Variants in CFDP1 observed in about 807,000 individuals in gnomAD.
CFDP1 encodes the protein chromatin remodeling protein CFDP1.
In CFDP1, 31 loss-of-function variants were observed where a neutral mutation model predicts 40.1. That is an observed-to-expected ratio of 0.77 (90% CI 0.58 to 1.04). CFDP1 has a LOEUF of 1.04. Among genes scored for constraint, CFDP1 ranks in the 50% least tolerant of loss-of-function variants. CFDP1 has a pLI of 0.00. For synonymous variants in CFDP1, 167 were observed against 120.0 expected (o/e 1.39, Z -2.56); for missense variants, 423 against 343.4 (o/e 1.23, Z -1.83).
At chr16:75,352,922 T>C (rs1414236411) in intron 5 of CFDP1, among the ~76,000 whole-genome samples, 2 of 152,162 alleles carry the variant, frequency 1.3e-5, no homozygotes, top group African/African-American at 4.8e-5. Flanking sequence ...AGAAAAACTA[T>C]ATATGTGAAA....
chr16:75,314,631 C>T (rs1034422559), intron 5 of CFDP1, among the ~76,000 whole-genome samples: 1 of 152,236 alleles, frequency 6.6e-6, no homozygotes, highest in East Asian at 1.9e-4. Flanking sequence ...GGAATTATAC[C>T]TAAATAAAGC....
chr16:75,333,288 TA>T (rs2078461237), intron 5 of CFDP1, among the ~76,000 whole-genome samples: 1 of 151,900 alleles, frequency 6.6e-6, no homozygotes, highest in South Asian at 2.1e-4. Flanking sequence ...CACGCCTGGC[TA>T]ATTTTTTGTA....
At chr16:75,320,229 C>T (rs2078352718) in intron 5 of CFDP1, among the ~76,000 whole-genome samples, 1 of 152,166 alleles carries the variant, frequency 6.6e-6, no homozygotes, top group African/African-American at 2.4e-5. Flanking sequence ...AACCCTTAAA[C>T]AAGTCCAGTT....
chr16:75,297,979 A>C (rs1206002382), intron 6 of CFDP1, among the ~76,000 whole-genome samples: 2 of 152,226 alleles, frequency 1.3e-5, no homozygotes, highest in Non-Finnish European at 2.9e-5. Flanking sequence ...CAAAACCAGA[A>C]ACTTTTAAAG....
chr16:75,416,863 A>G (rs1218497859), intron 1 of CFDP1, among the ~76,000 whole-genome samples: 3 of 150,580 alleles, frequency 2.0e-5, no homozygotes, highest in Admixed American at 6.7e-5. Flanking sequence ...AATATCCAAA[A>G]TGGAATTCTG....
chr16:75,426,415 T>C (rs1168724523), intron 1 of CFDP1, among the ~76,000 whole-genome samples: 2 of 152,056 alleles, frequency 1.3e-5, no homozygotes, highest in Non-Finnish European at 2.9e-5. Context: ...ACACTATCTT[T>C]GTAATCCCGA....
intron 5 of CFDP1, among the ~76,000 whole-genome samples, chr16:75,371,642 G>A (rs560476657): frequency 6.6e-6 from 1 of 152,154 alleles, no homozygotes; most frequent in Admixed American, 6.5e-5. Flanking sequence ...AACATTCATA[G>A]GAAGAATCTC....
At chr16:75,356,387 C>G (rs2078644128) in intron 5 of CFDP1, among the ~76,000 whole-genome samples, 1 of 152,176 alleles carries the variant, frequency 6.6e-6, no homozygotes, top group South Asian at 2.1e-4. Flanking sequence ...ACTGGGTACA[C>G]TGTCAATGAG....
chr16:75,366,031 G>A (rs766069954), intron 5 of CFDP1, among the ~76,000 whole-genome samples: 1 of 152,050 alleles, frequency 6.6e-6, no homozygotes, highest in Non-Finnish European at 1.5e-5. Flanking sequence ...TTCACTCCTA[G>A]GTATCAATCC....
intron 5 of CFDP1, among the ~76,000 whole-genome samples, chr16:75,308,674 A>ATTGTT (rs2078274214): frequency 6.6e-6 from 1 of 152,142 alleles, no homozygotes; most frequent in Non-Finnish European, 1.5e-5. Flanking sequence ...GGAACAATTC[A>ATTGTT]CTTTTATTCT....
chr16:75,319,590 A>T (rs1194028229), intron 5 of CFDP1, among the ~76,000 whole-genome samples: 1 of 152,174 alleles, frequency 6.6e-6, no homozygotes, highest in East Asian at 1.9e-4. Context: ...TTGCTCACTC[A>T]GTTGCCAGGG....
chr16:75,318,917 A>G (rs1386725871), intron 5 of CFDP1, among the ~76,000 whole-genome samples: 1 of 152,058 alleles, frequency 6.6e-6, no homozygotes, highest in Admixed American at 6.6e-5. Context: ...CATCATAGAC[A>G]CCTCTCTTAA....
At chr16:75,362,113 C>T (rs1181586345) in intron 5 of CFDP1, among the ~76,000 whole-genome samples, 1 of 152,208 alleles carries the variant, frequency 6.6e-6, no homozygotes, top group African/African-American at 2.4e-5. Flanking sequence ...ATGATCTACA[C>T]AAATTGGGTA....
intron 4 of CFDP1, among the ~76,000 whole-genome samples, chr16:75,405,919 C>CA (rs113081758): frequency 7.8e-4 from 90 of 115,850 alleles, no homozygotes; most frequent in South Asian, 1.1e-3. Flanking sequence ...ACCCCGTCTC[C>CA]AAAAAAAAAA....
At position 75,350,414 on chromosome 16, in the gene CFDP1, A is replaced by G. The variant is rs1321992388; in HGVS notation, c.650+44676T>C. On this transcript the variant is annotated intron_variant, in intron 5 of 6. Transcript: ENST00000283882. ...ACACTTGCTATTTCCATCTTTTTAAATTATAACCATCCTAGTGGGTGTGAA... is the reference window on the plus strand; with the variant it reads ...ACACTTGCTATTTCCATCTTTTTAAGTTATAACCATCCTAGTGGGTGTGAA... 2.0e-5 allele frequency among the ~76,000 whole-genome samples: 3 copies of G among 152,188 alleles called. No individual in the cohort carries two copies. In the East Asian group the frequency reaches 5.8e-4, roughly 29 times the overall value.
At chr16:75,301,973 G>A (rs1260738564) in intron 6 of CFDP1, 3 of 152,430 alleles carry the variant, frequency 2.0e-5, no homozygotes, top group African/African-American at 7.2e-5. Flanking sequence ...CAGATGAGAA[G>A]GGCTGAGGCA....
At chr16:75,329,183 C>G (rs112001550) in intron 5 of CFDP1, among the ~76,000 whole-genome samples, 12 of 151,350 alleles carry the variant, frequency 7.9e-5, no homozygotes, top group Non-Finnish European at 1.8e-4. Flanking sequence ...ACAGGGTTTC[C>G]CCATGTTGGC....
intron 5 of CFDP1, among the ~76,000 whole-genome samples, chr16:75,393,883 C>T (rs956546147): frequency 6.6e-6 from 1 of 151,568 alleles, no homozygotes; most frequent in African/African-American, 2.4e-5. Flanking sequence ...CACAGTGAAA[C>T]CTCGTCTCTA....
In CFDP1 at chr16:75,301,536, C is replaced by CTTTTTTTTTTTTTTTTTT. The variant is rs546724752; in HGVS notation, c.809+3470_809+3487dup. On this transcript the variant is annotated intron_variant, in intron 6 of 6. Coordinates refer to ENST00000283882, the MANE Select transcript of CFDP1 (RefSeq NM_006324.3). ...TCTCAACATTAGAGTTTTGTTGTGT[C>CTTTTTTTTTTTTTTTTTT]TTTTTTTTTTTTTTTTTTTTTTTTT... Among the ~76,000 whole-genome samples the CTTTTTTTTTTTTTTTTTT allele has an allele frequency of 2.4e-4, 13 of 53,968 alleles. 2 individuals are homozygous for CTTTTTTTTTTTTTTTTTT. Among genetic ancestry groups the CTTTTTTTTTTTTTTTTTT allele is most frequent in the African/African-American group, 5.5e-4 (8 of 14,508 alleles). The allele number at this position is 53,968 out of a possible 152,430, so 35.4% of individuals were successfully genotyped here. A position where few individuals can be genotyped will look rare whatever the true frequency, so the allele number is the denominator to read the frequency against.
Sources: gnomAD v4.1 joint callset for allele counts (sites outside exome capture counted in the v4.1 genomes callset) on GRCh38, gnomAD v4.1.1 for gene constraint, MANE v1.5 for transcripts, NCBI Gene and HGNC (gene_info 2026-07-23, HGNC 2026-07-21) for gene names.